PRKCE: variants seen among roughly 807,000 people sequenced by gnomAD.
The protein encoded by PRKCE is protein kinase C epsilon type.
PRKCE carries 16 observed loss-of-function variants against 85.4 expected under a neutral mutation model. That is an observed-to-expected ratio of 0.19 (90% CI 0.13 to 0.28). The LOEUF is 0.28. Ranked by LOEUF, PRKCE falls within the 10% of genes least tolerant of loss-of-function variation. PRKCE has a pLI of 1.00. For missense variants in PRKCE, 573 were observed against 975.2 expected (o/e 0.59, Z 5.49); for synonymous variants, 388 against 371.5 (o/e 1.04, Z -0.51).
At chr2:45,943,746 C>G (rs1052678896) in intron 2 of PRKCE, among the ~76,000 whole-genome samples, 1 of 152,228 alleles carries the variant, frequency 6.6e-6, no homozygotes, top group African/African-American at 2.4e-5. Context: ...AGCCTCCTCT[C>G]CTGCTTTCTG....
chr2:46,085,602 C>G (rs2103894205), intron 10 of PRKCE, among the ~76,000 whole-genome samples: 1 of 115,628 alleles, frequency 8.6e-6, no homozygotes, highest in Middle Eastern at 3.9e-3. Context: ...CACTTGGCCT[C>G]CTCCTCCCTG....
chr2:45,893,695 G>C (rs1334682293), intron 2 of PRKCE, among the ~76,000 whole-genome samples: 1 of 152,058 alleles, frequency 6.6e-6, no homozygotes, highest in Non-Finnish European at 1.5e-5. Flanking sequence ...GCCTCCCCCA[G>C]TGCCCCGCTC....
At chr2:45,683,792 T>C (rs1315884796) in intron 1 of PRKCE, among the ~76,000 whole-genome samples, 3 of 152,234 alleles carry the variant, frequency 2.0e-5, no homozygotes, top group Non-Finnish European at 4.4e-5. Flanking sequence ...CTCCCAGCTA[T>C]ACTCCACTGG....
chr2:46,014,051 T>G (rs1159510659), intron 10 of PRKCE, among the ~76,000 whole-genome samples: 1 of 152,212 alleles, frequency 6.6e-6, no homozygotes, highest in Non-Finnish European at 1.5e-5. Context: ...TTTTCTTTAC[T>G]GAGCCCGCCT....
chr2:45,717,231 G>A (rs750087901), intron 1 of PRKCE, among the ~76,000 whole-genome samples: 2 of 152,140 alleles, frequency 1.3e-5, no homozygotes, highest in Non-Finnish European at 2.9e-5. Context: ...TCTCCCATTT[G>A]CCACCCACAG....
At chr2:45,659,483 C>G (rs981781216) in intron 1 of PRKCE, among the ~76,000 whole-genome samples, 1 of 152,194 alleles carries the variant, frequency 6.6e-6, no homozygotes, top group African/African-American at 2.4e-5. Context: ...CCTGGCTTCT[C>G]AGCTCCTGTC....
intron 1 of PRKCE, among the ~76,000 whole-genome samples, chr2:45,775,354 C>T (rs1005128033): frequency 2.8e-4 from 42 of 152,178 alleles, no homozygotes; most frequent in African/African-American, 8.9e-4. Flanking sequence ...GTGGACTCCA[C>T]GCAGTCCGCC....
chr2:45,711,656 T>C (rs1459340560), intron 1 of PRKCE, among the ~76,000 whole-genome samples: 2 of 152,208 alleles, frequency 1.3e-5, no homozygotes, highest in African/African-American at 4.8e-5. Context: ...TTGAGACGAG[T>C]CTTGCTCTGT....
At chr2:46,067,624 A>C (rs1394379311) in intron 10 of PRKCE, among the ~76,000 whole-genome samples, 2 of 152,232 alleles carry the variant, frequency 1.3e-5, no homozygotes, top group Non-Finnish European at 1.5e-5. Context: ...AAGAATGAGC[A>C]CTTTATGTGT....
chr2:45,970,961 A>T lies in PRKCE; in HGVS notation c.413-5468A>T, dbSNP rs142090063. On this transcript the variant is annotated intron_variant, in intron 2 of 14. Coordinates refer to ENST00000306156, the MANE Select transcript of PRKCE (RefSeq NM_005400.3). ...TACATTTATGTATCTGTTATTTTAT[A>T]CATCAGACACACGCATATTACCTCT... Among the ~76,000 whole-genome samples the T allele has an allele frequency of 2.2e-3, 338 of 151,928 alleles. 1 individual carries two copies. Among genetic ancestry groups the T allele is most frequent in the African/African-American group, 7.5e-3 (312 of 41,478 alleles).
intron 1 of PRKCE, among the ~76,000 whole-genome samples, chr2:45,692,761 C>T (rs1409315809): frequency 1.3e-5 from 2 of 152,046 alleles, no homozygotes; most frequent in African/African-American, 4.8e-5. Context: ...ACACACCCCA[C>T]TCCACCCCAC....
intron 1 of PRKCE, among the ~76,000 whole-genome samples, chr2:45,741,874 A>G (rs1175605343): frequency 6.6e-6 from 1 of 152,206 alleles, no homozygotes; most frequent in Non-Finnish European, 1.5e-5. Context: ...GCCATGGGTT[A>G]CCCAGGGTCT....
At chr2:45,923,671 G>C (rs1242087424) in intron 2 of PRKCE, among the ~76,000 whole-genome samples, 1 of 152,224 alleles carries the variant, frequency 6.6e-6, no homozygotes, top group Non-Finnish European at 1.5e-5. Context: ...TTGTGATTAA[G>C]TGCTGACTTG....
intron 11 of PRKCE, among the ~76,000 whole-genome samples, chr2:46,133,167 G>A (rs986877834): frequency 1.3e-5 from 2 of 152,180 alleles, no homozygotes; most frequent in African/African-American, 4.8e-5. Context: ...ACCCGGTATT[G>A]GGTTCTACGG....
At position 46,045,419 on chromosome 2, in the gene PRKCE, C is replaced by G. The variant is rs150912246; in HGVS notation, c.1437+34902C>G. 1.2e-4 allele frequency among the ~76,000 whole-genome samples: 19 copies of G among 152,358 alleles called. No homozygotes were observed. In the East Asian group the frequency reaches 3.7e-3, roughly 29 times the overall value. ...AATTTTGCCTGACTTATTTATCCCTCAGTCCTACCTAAGACAGGCTAGCGC... is the reference window on the plus strand; with the variant it reads ...AATTTTGCCTGACTTATTTATCCCTGAGTCCTACCTAAGACAGGCTAGCGC... On this transcript the variant is annotated intron_variant, in intron 10 of 14. Transcript: ENST00000306156.
intron 11 of PRKCE, among the ~76,000 whole-genome samples, chr2:46,086,815 G>T (rs1335350739): frequency 6.6e-6 from 1 of 152,170 alleles, no homozygotes; most frequent in African/African-American, 2.4e-5. Context: ...GGAGTTGCTT[G>T]AGGGACTGGG....
chr2:45,901,043 G>A (rs1696541509), intron 2 of PRKCE, among the ~76,000 whole-genome samples: 1 of 152,184 alleles, frequency 6.6e-6, no homozygotes, highest in African/African-American at 2.4e-5. Context: ...GCTTTCGCTG[G>A]GTTGGCTAGG....
chr2:46,124,478 C>G (rs1673653053), intron 11 of PRKCE, among the ~76,000 whole-genome samples: 1 of 152,080 alleles, frequency 6.6e-6, no homozygotes, highest in South Asian at 2.1e-4. Context: ...TCAATTTTAT[C>G]CACTGATACT....
intron 7 of PRKCE, among the ~76,000 whole-genome samples, chr2:46,003,000 T>C (rs984950741): frequency 1.3e-5 from 2 of 152,218 alleles, no homozygotes; most frequent in African/African-American, 4.8e-5. Flanking sequence ...GTCTGCCTTG[T>C]CTTGGATTTG....
Sources: gnomAD v4.1 joint callset for allele counts (sites outside exome capture counted in the v4.1 genomes callset) on GRCh38, gnomAD v4.1.1 for gene constraint, MANE v1.5 for transcripts, NCBI Gene and HGNC (gene_info 2026-07-23, HGNC 2026-07-21) for gene names.